The following FRMD5 variants were observed in gnomAD, a reference collection of about 807,000 sequenced individuals.
FRMD5 encodes FERM domain containing 5.
Under a neutral mutation model 69.0 loss-of-function variants are expected in FRMD5, and 20 were observed. That is an observed-to-expected ratio of 0.29 (90% CI 0.20 to 0.42). The LOEUF is 0.42. Ranked by LOEUF, FRMD5 falls within the 10% of genes least tolerant of loss-of-function variation. The probability of loss-of-function intolerance (pLI) is 1.00; values close to 1 mark genes in which losing one functional copy is unlikely to be tolerated. For synonymous variants in FRMD5, 271 were observed against 260.1 expected (o/e 1.04, Z -0.40); for missense variants, 595 against 708.6 (o/e 0.84, Z 1.82).
chr15:44,120,602 C>T (rs1177172945), intron 1 of FRMD5, among the ~76,000 whole-genome samples: 2 of 142,708 alleles, frequency 1.4e-5, no homozygotes, highest in African/African-American at 2.6e-5. Flanking sequence ...AGTGCAATCT[C>T]GGCTCCGCCT....
At chr15:43,952,544 G>T (rs144555430) in intron 1 of FRMD5, among the ~76,000 whole-genome samples, 1 of 152,176 alleles carries the variant, frequency 6.6e-6, no homozygotes, top group Non-Finnish European at 1.5e-5. Context: ...CTGGGAGCAC[G>T]GCCATCATGC....
intron 1 of FRMD5, among the ~76,000 whole-genome samples, chr15:43,996,289 A>G (rs1371815682): frequency 6.6e-6 from 1 of 152,140 alleles, no homozygotes; most frequent in South Asian, 2.1e-4. Context: ...GTCAGGGACC[A>G]TGGGGCCTAC....
chr15:44,171,318 G>C (rs2077799180), intron 1 of FRMD5, among the ~76,000 whole-genome samples: 1 of 152,170 alleles, frequency 6.6e-6, no homozygotes, highest in African/African-American at 2.4e-5. Context: ...ATATTTTAAA[G>C]CAGTCATTCT....
intron 7 of FRMD5, among the ~76,000 whole-genome samples, chr15:43,894,420 A>G (rs1401878340): frequency 6.6e-6 from 1 of 152,134 alleles, no homozygotes; most frequent in Non-Finnish European, 1.5e-5. Flanking sequence ...AATGTTGAGC[A>G]GATGAAGGTG....
At position 43,873,738 on chromosome 15, in the gene FRMD5, A is replaced by G. The variant is rs939751219; in HGVS notation, c.*147T>C. On this transcript the variant is annotated 3_prime_UTR_variant, in exon 14 of 14. Transcript: ENST00000417257. ...GCCTATCCCTTTCTTCTTCTGGGAA[A>G]CACCCTCCTAGGCTGCAGTGGACTT... 6 of 1,520,552 alleles carry G rather than the reference A, an allele frequency of 3.9e-6. No homozygotes were observed. The highest frequency in any genetic ancestry group is 2.8e-5 in the African/African-American group (2 of 71,568). The allele number at this position is 1,520,552 out of a possible 1,614,324, so 94.2% of individuals were successfully genotyped here. A position where few individuals can be genotyped will look rare whatever the true frequency, so the allele number is the denominator to read the frequency against.
chr15:44,047,322 G>C (rs941116048), intron 1 of FRMD5, among the ~76,000 whole-genome samples: 1 of 151,712 alleles, frequency 6.6e-6, no homozygotes, highest in Non-Finnish European at 1.5e-5. Flanking sequence ...AGAGGGGAGG[G>C]GAGAGGAGGG....
intron 1 of FRMD5, among the ~76,000 whole-genome samples, chr15:44,095,011 G>A (rs999040549): frequency 1.3e-5 from 2 of 151,942 alleles, no homozygotes; most frequent in Admixed American, 6.6e-5. Flanking sequence ...AGCCGACATA[G>A]AGTCCCACCC....
intron 9 of FRMD5, 46 bp from the exon 10 acceptor site, chr15:43,888,312 C>G: frequency 5.0e-6 from 7 of 1,388,700 alleles, no homozygotes; most frequent in Non-Finnish European, 7.2e-6. Flanking sequence ...GATGGAGAAG[C>G]AAAGGGTGAA....
chr15:43,873,830 G>T lies in FRMD5; in HGVS notation c.*55C>A. 6.3e-7 allele frequency: 1 copy of T among 1,596,044 alleles called. No homozygotes were observed. Among genetic ancestry groups the T allele is most frequent in the Non-Finnish European group, 8.5e-7 (1 of 1,170,212 alleles). ...CGCGATGGGTCCCATTGCTGGGAAT[G>T]GGTAGCCGGGTTCCTTGGTCCACCT... On this transcript the variant is annotated 3_prime_UTR_variant, in exon 14 of 14. Transcript: ENST00000417257.
chr15:44,092,180 G>T (rs1566941650), intron 1 of FRMD5, among the ~76,000 whole-genome samples: 1 of 151,996 alleles, frequency 6.6e-6, no homozygotes, highest in Admixed American at 6.6e-5. Flanking sequence ...TGATTGAAAG[G>T]GTCTCTGCCT....
At chr15:43,987,013 C>T (rs1889427571) in intron 1 of FRMD5, among the ~76,000 whole-genome samples, 1 of 152,070 alleles carries the variant, frequency 6.6e-6, no homozygotes, top group Non-Finnish European at 1.5e-5. Flanking sequence ...GTGCCATGAA[C>T]CACACACATA....
intron 1 of FRMD5, among the ~76,000 whole-genome samples, chr15:44,001,931 G>C (rs1890232228): frequency 6.6e-6 from 1 of 151,982 alleles, no homozygotes. Flanking sequence ...ATGTTGGCTA[G>C]GCTGATCTCA....
At chr15:44,053,149 A>G (rs1234108188) in intron 1 of FRMD5, among the ~76,000 whole-genome samples, 6 of 152,166 alleles carry the variant, frequency 3.9e-5, no homozygotes, top group Non-Finnish European at 8.8e-5. Context: ...GAGCATGAAA[A>G]CAACTTCAAA....
intron 1 of FRMD5, among the ~76,000 whole-genome samples, chr15:44,112,769 G>C (rs1325949365): frequency 6.6e-6 from 1 of 151,374 alleles, no homozygotes; most frequent in Non-Finnish European, 1.5e-5. Context: ...CGCCTGGCCT[G>C]TATTTTTAGT....
At chr15:43,972,459 T>C (rs1467257779) in intron 1 of FRMD5, among the ~76,000 whole-genome samples, 1 of 152,160 alleles carries the variant, frequency 6.6e-6, no homozygotes, top group African/African-American at 2.4e-5. Context: ...GGGTTAGCGG[T>C]TACTAATCTG....
chr15:44,186,856 C>T (rs530642099), intron 1 of FRMD5, among the ~76,000 whole-genome samples: 1 of 152,344 alleles, frequency 6.6e-6, no homozygotes, highest in African/African-American at 2.4e-5. Context: ...AAAGCTCTAG[C>T]CTGGCATTGT....
At chr15:44,126,239 G>A (rs2077023424) in intron 1 of FRMD5, among the ~76,000 whole-genome samples, 1 of 152,168 alleles carries the variant, frequency 6.6e-6, no homozygotes, top group African/African-American at 2.4e-5. Context: ...CAAGAAATAT[G>A]GCTCCAACTG....
At chr15:44,009,330 G>C (rs1367537552) in intron 1 of FRMD5, among the ~76,000 whole-genome samples, 1 of 152,280 alleles carries the variant, frequency 6.6e-6, no homozygotes, top group Non-Finnish European at 1.5e-5. Context: ...AACCTTTGTA[G>C]GAGTGAAAAA....
At chr15:43,875,363 A>AAAAAAAT (rs1366807150) in intron 13 of FRMD5, among the ~76,000 whole-genome samples, 58 of 105,322 alleles carry the variant, frequency 5.5e-4, no homozygotes, top group Non-Finnish European at 8.7e-5. Flanking sequence ...AAAAAAAAAA[A>AAAAAAAT]ATATATATAT....
Sources: allele counts gnomAD v4.1 joint callset (sites outside exome capture counted in the v4.1 genomes callset), GRCh38; gene constraint gnomAD v4.1.1; transcripts MANE v1.5; gene names NCBI Gene and HGNC (gene_info 2026-07-23, HGNC 2026-07-21).